GUCY1A2: variants seen among roughly 807,000 people sequenced by gnomAD.
GUCY1A2 encodes the protein guanylate cyclase soluble subunit alpha-2.
Under a neutral mutation model 63.5 loss-of-function variants are expected in GUCY1A2, and 27 were observed. The observed-to-expected ratio is 0.43, with a 90% CI of 0.31 to 0.59. GUCY1A2 has a LOEUF of 0.59. GUCY1A2 is among the 20% of genes least tolerant of loss of function. The pLI, the probability that GUCY1A2 is intolerant of heterozygous loss-of-function variation, is 0.11. For synonymous variants in GUCY1A2, 364 were observed against 343.5 expected, an observed-to-expected ratio of 1.06 and a Z score of -0.66; for missense variants, 768 against 913.3, an observed-to-expected ratio of 0.84 and a Z score of 2.05.
chr11:106,939,716 C>T lies in GUCY1A2; in HGVS notation c.950G>A (p.Arg317Lys). The T allele has an allele frequency of 6.2e-7, 1 of 1,613,796 alleles. No individual in the cohort carries two copies. The highest frequency in any genetic ancestry group is 1.1e-5 in the South Asian group (1 of 91,074). ...QGTSQVPADL[R>K]ISINTFCRAF... Reference sequence around the variant, plus strand: ...TCTACAGAAGGTGTTGATGCTAATTCTGAGGTCCGCAGGAACTTGGGAGGT... The same window carrying T: ...TCTACAGAAGGTGTTGATGCTAATTTTGAGGTCCGCAGGAACTTGGGAGGT... The change falls in exon 4 of 8, where the codon AGA becomes AAA. Residue 317 changes from arginine to lysine, a missense_variant. Transcript: ENST00000526355.
intron 4 of GUCY1A2, among the ~76,000 whole-genome samples, chr11:106,925,025 A>C (rs1195899905): frequency 6.6e-6 from 1 of 152,100 alleles, no homozygotes. Context: ...AAAACAAAAC[A>C]AAACCATGTA....
intron 4 of GUCY1A2, among the ~76,000 whole-genome samples, chr11:106,908,737 A>G (rs1591323257): frequency 1.3e-5 from 2 of 152,230 alleles, no homozygotes; most frequent in South Asian, 4.1e-4. Flanking sequence ...GACCAAGAGG[A>G]TATAAATAGG....
At chr11:106,800,778 A>T (rs1421899098) in intron 5 of GUCY1A2, among the ~76,000 whole-genome samples, 1 of 152,028 alleles carries the variant, frequency 6.6e-6, no homozygotes, top group Non-Finnish European at 1.5e-5. Context: ...TAGGAGATAT[A>T]CCTAATGAAA....
intron 3 of GUCY1A2, among the ~76,000 whole-genome samples, chr11:106,943,529 G>C (rs557223037): frequency 6.6e-6 from 1 of 152,290 alleles, no homozygotes; most frequent in East Asian, 1.9e-4. Flanking sequence ...TTCATGATCT[G>C]GCCCTGTTGT....
intron 4 of GUCY1A2, among the ~76,000 whole-genome samples, chr11:106,933,791 C>T (rs556087321): frequency 1.4e-4 from 22 of 152,210 alleles, no homozygotes; most frequent in South Asian, 2.1e-4. Context: ...CTGGATGCAG[C>T]TATGCAGCCA....
At chr11:106,696,899 T>G (rs75810702) in intron 7 of GUCY1A2, among the ~76,000 whole-genome samples, 475 of 152,300 alleles carry the variant, frequency 3.1e-3, no homozygotes, top group African/African-American at 0.011. Context: ...TTTAGAGTTT[T>G]TCTTTCCCCC....
chr11:106,886,360 C>T (rs1859900323), intron 4 of GUCY1A2, among the ~76,000 whole-genome samples: 1 of 151,914 alleles, frequency 6.6e-6, no homozygotes, highest in Admixed American at 6.6e-5. Context: ...AGAAGCAGAA[C>T]AAAATGATAA....
intron 4 of GUCY1A2, among the ~76,000 whole-genome samples, chr11:106,878,578 A>G (rs1475315649): frequency 6.6e-6 from 1 of 152,014 alleles, no homozygotes; most frequent in African/African-American, 2.4e-5. Flanking sequence ...CCAAAAGATC[A>G]AAACACATGG....
intron 5 of GUCY1A2, among the ~76,000 whole-genome samples, chr11:106,779,093 C>A (rs183441258): frequency 3.3e-5 from 5 of 152,186 alleles, no homozygotes; most frequent in Admixed American, 3.3e-4. Flanking sequence ...ACTTAAGAAG[C>A]TCATGAGACC....
At chr11:106,870,230 T>G (rs999924385) in intron 4 of GUCY1A2, among the ~76,000 whole-genome samples, 1 of 151,910 alleles carries the variant, frequency 6.6e-6, no homozygotes, top group Non-Finnish European at 1.5e-5. Context: ...ATTGTGCACA[T>G]GTACCCTAGA....
At chr11:106,873,266 T>C (rs1174919564) in intron 4 of GUCY1A2, among the ~76,000 whole-genome samples, 2 of 152,202 alleles carry the variant, frequency 1.3e-5, no homozygotes, top group Admixed American at 6.5e-5. Context: ...ATGATTTATA[T>C]TCCTTTGGGT....
At chr11:106,752,672 C>A (rs571804807) in intron 6 of GUCY1A2, among the ~76,000 whole-genome samples, 6 of 152,082 alleles carry the variant, frequency 3.9e-5, no homozygotes, top group Non-Finnish European at 7.4e-5. Context: ...CATCCATGTC[C>A]CTGCAAAGGA....
chr11:106,700,216 A>G (rs1862795781), intron 7 of GUCY1A2, among the ~76,000 whole-genome samples: 1 of 152,144 alleles, frequency 6.6e-6, no homozygotes, highest in Non-Finnish European at 1.5e-5. Context: ...TTTTACTGTA[A>G]AAATAACTGC....
intron 4 of GUCY1A2, 64 bp from the exon 5 acceptor site, chr11:106,810,542 T>A: frequency 7.5e-7 from 1 of 1,324,572 alleles, no homozygotes; most frequent in Non-Finnish European, 1.0e-6. Context: ...AAATTTAATA[T>A]ATTATCTGAT....
chr11:106,938,898 A>C (rs778353483), intron 4 of GUCY1A2, among the ~76,000 whole-genome samples: 2 of 152,174 alleles, frequency 1.3e-5, no homozygotes, highest in Non-Finnish European at 2.9e-5. Flanking sequence ...TCATGTTCTA[A>C]AGCAATGAAT....
Position 106,684,103 on chromosome 11 carries a change from A to G in GUCY1A2, c.*3446T>C, listed in dbSNP as rs577000910. ...TTTTCCTGGAAAGACACACATATTC[A>G]CACTAAACTACTGTGTCCTGACACC... On this transcript the variant is annotated 3_prime_UTR_variant, in exon 8 of 8. Transcript: ENST00000526355. 3.0e-4 allele frequency: 56 copies of G among 184,892 alleles called. No homozygotes were observed. The highest frequency in any genetic ancestry group is 7.8e-4 in the South Asian group (4 of 5,122). The allele number at this position is 184,892 out of a possible 1,614,324, so 11.5% of individuals were successfully genotyped here.
chr11:106,968,109 G>C (rs1045987214), intron 3 of GUCY1A2, among the ~76,000 whole-genome samples: 1 of 152,190 alleles, frequency 6.6e-6, no homozygotes, highest in Non-Finnish European at 1.5e-5. Context: ...CCTTGCCCAA[G>C]AGCAGGATTA....
At chr11:107,008,290 A>G (rs1861699945) in intron 1 of GUCY1A2, among the ~76,000 whole-genome samples, 2 of 126,194 alleles carry the variant, frequency 1.6e-5, no homozygotes, top group Non-Finnish European at 3.7e-5. Context: ...AAAAAAAAAA[A>G]AAAAAAAAAG....
chr11:106,756,975 C>T lies in GUCY1A2; in HGVS notation c.1836+19464G>A, dbSNP rs114300606. Among the ~76,000 whole-genome samples the T allele has an allele frequency of 3.9e-3, 589 of 152,334 alleles. 6 individuals are homozygous for T. The highest frequency in any genetic ancestry group is 0.014 in the African/African-American group (574 of 41,572). On this transcript the variant is annotated intron_variant, in intron 6 of 7. Coordinates refer to ENST00000526355, the MANE Select transcript of GUCY1A2 (RefSeq NM_000855.3). ...TGGATTCCATTCTCCCTGTCACTTT[C>T]AAGTACACCGATCAAACGTAGATTT...
Sources: allele counts gnomAD v4.1 joint callset (sites outside exome capture counted in the v4.1 genomes callset), GRCh38; gene constraint gnomAD v4.1.1; transcripts MANE v1.5; gene names NCBI Gene and HGNC (gene_info 2026-07-23, HGNC 2026-07-21).